KIAA1217: variants seen among roughly 807,000 people sequenced by gnomAD.
KIAA1217 encodes sickle tail protein homolog.
A neutral mutation model predicts 163.9 loss-of-function variants in KIAA1217; 88 were observed. The observed-to-expected ratio is 0.54, with a 90% CI of 0.45 to 0.64. KIAA1217 has a LOEUF of 0.64. Among genes scored for constraint, KIAA1217 ranks in the 30% least tolerant of loss-of-function variants. KIAA1217 has a pLI of 0.00. For synonymous variants in KIAA1217, 903 were observed against 923.1 expected (o/e 0.98, Z 0.39); for missense variants, 2,372 against 2,475.0 (o/e 0.96, Z 0.88).
chr10:24,214,201 G>A (rs1175537257), intron 1 of KIAA1217, among the ~76,000 whole-genome samples: 1 of 152,082 alleles, frequency 6.6e-6, no homozygotes, highest in Non-Finnish European at 1.5e-5. Flanking sequence ...GAAAACTGAG[G>A]GATGCTGTAG....
intron 16 of KIAA1217, among the ~76,000 whole-genome samples, chr10:24,536,257 G>A (rs1019879897): frequency 2.0e-5 from 3 of 152,176 alleles, no homozygotes; most frequent in African/African-American, 4.8e-5. Context: ...CTCTAAATGA[G>A]CCTCAGAACA....
intron 3 of KIAA1217, among the ~76,000 whole-genome samples, chr10:24,399,208 G>A (rs1310345490): frequency 3.9e-5 from 6 of 152,184 alleles, no homozygotes; most frequent in Non-Finnish European, 7.3e-5. Context: ...TTAGCTGATG[G>A]TCATAGCGAT....
chr10:23,896,075 T>C (rs1841682263), intron 1 of KIAA1217, among the ~76,000 whole-genome samples: 1 of 151,668 alleles, frequency 6.6e-6, no homozygotes, highest in Non-Finnish European at 1.5e-5. Context: ...CACACCAGCA[T>C]GGCACATGTA....
At chr10:24,530,710 C>A (rs1175067411) in intron 14 of KIAA1217, among the ~76,000 whole-genome samples, 2 of 152,082 alleles carry the variant, frequency 1.3e-5, no homozygotes, top group South Asian at 2.1e-4. Context: ...GCAGCCTGGG[C>A]AGCATAGTGA....
chr10:23,962,984 AG>A (rs1844881468), intron 1 of KIAA1217, among the ~76,000 whole-genome samples: 1 of 152,202 alleles, frequency 6.6e-6, no homozygotes, highest in South Asian at 2.1e-4. Context: ...AAAAGAAAAA[AG>A]AAAAGATTTT....
At chr10:23,713,544 A>G (rs997226370) in intron 1 of KIAA1217, among the ~76,000 whole-genome samples, 6 of 152,136 alleles carry the variant, frequency 3.9e-5, no homozygotes, top group Non-Finnish European at 7.4e-5. Context: ...ACCACTCTAC[A>G]CATCATATTT....
rs1469626215 is a variant in KIAA1217 at position 24,513,361 on chromosome 10, C to T, written c.2104C>T (p.Arg702Ter). The T allele has an allele frequency of 1.9e-6, 3 of 1,614,020 alleles. No individual in the cohort carries two copies. Among genetic ancestry groups the T allele is most frequent in the Non-Finnish European group, 2.5e-6 (3 of 1,180,032 alleles). ...TMKRLEDPVQ[R>*]QRVLVEQERQ... is the part of the protein sequence containing the mutation. The stretch of plus-strand genomic sequence containing the variant: ...GAAGAGACTGGAGGATCCCGTGCAG[C>T]GACAGCGCGTCCTAGTGGAGCAAGA... Residue 702 changes from arginine to a stop codon, truncating the protein, a stop_gained, in exon 10 of 21, where the codon CGA (arginine) becomes TGA (stop). Coordinates refer to ENST00000376454, the MANE Select transcript of KIAA1217 (RefSeq NM_019590.5). LOFTEE classifies it high-confidence loss of function.
chr10:24,135,832 T>A (rs942367435), intron 2 of KIAA1217, among the ~76,000 whole-genome samples: 18 of 152,142 alleles, frequency 1.2e-4, no homozygotes, highest in African/African-American at 4.3e-4. Context: ...CTCACTTATT[T>A]AGAGGCTGCA....
At chr10:24,292,778 G>A (rs926268403) in intron 2 of KIAA1217, among the ~76,000 whole-genome samples, 4 of 152,082 alleles carry the variant, frequency 2.6e-5, no homozygotes, top group African/African-American at 7.2e-5. Context: ...TTAGGATATC[G>A]CAGCCTGAGT....
chr10:24,187,725 T>C (rs1183088528), intron 2 of KIAA1217, among the ~76,000 whole-genome samples: 3 of 151,470 alleles, frequency 2.0e-5, no homozygotes, highest in Non-Finnish European at 4.4e-5. Flanking sequence ...ACCCCATCTC[T>C]ACTAAAAAAA....
At chr10:23,905,909 G>C (rs1447355185) in intron 1 of KIAA1217, among the ~76,000 whole-genome samples, 2 of 152,128 alleles carry the variant, frequency 1.3e-5, no homozygotes, top group African/African-American at 4.8e-5. Context: ...CTGAGACAAG[G>C]TAATTTATAA....
At chr10:23,896,950 T>C (rs1217138561) in intron 1 of KIAA1217, among the ~76,000 whole-genome samples, 1 of 152,040 alleles carries the variant, frequency 6.6e-6, no homozygotes, top group Non-Finnish European at 1.5e-5. Context: ...CTTTGAGATA[T>C]TGGCTGGCTT....
At chr10:24,366,578 G>A (rs1467029153) in intron 2 of KIAA1217, among the ~76,000 whole-genome samples, 4 of 152,254 alleles carry the variant, frequency 2.6e-5, no homozygotes, top group Non-Finnish European at 4.4e-5. Context: ...TAGAATTTGT[G>A]CCCTGAATTA....
chr10:23,948,338 T>A (rs1844155555), intron 1 of KIAA1217, among the ~76,000 whole-genome samples: 1 of 152,198 alleles, frequency 6.6e-6, no homozygotes. Context: ...GTTTATTAAA[T>A]AAAACAATAC....
At chr10:23,808,063 A>G (rs1836826570) in intron 1 of KIAA1217, among the ~76,000 whole-genome samples, 1 of 152,162 alleles carries the variant, frequency 6.6e-6, no homozygotes, top group South Asian at 2.1e-4. Context: ...CGAAGTTAGA[A>G]CTCCAGGCTA....
At chr10:24,393,603 A>T (rs1371055596) in intron 3 of KIAA1217, among the ~76,000 whole-genome samples, 1 of 152,252 alleles carries the variant, frequency 6.6e-6, no homozygotes, top group African/African-American at 2.4e-5. Context: ...ATACTTCAGC[A>T]TGTGGCTGTA....
chr10:24,454,465 A>AG (rs1463357502), intron 5 of KIAA1217, among the ~76,000 whole-genome samples: 4 of 152,246 alleles, frequency 2.6e-5, no homozygotes, highest in Non-Finnish European at 5.9e-5. Context: ...CACCCTTGAT[A>AG]GAGTAGGAAG....
intron 1 of KIAA1217, among the ~76,000 whole-genome samples, chr10:23,702,934 G>C (rs192035319): frequency 3.9e-3 from 586 of 152,126 alleles, no homozygotes; most frequent in African/African-American, 0.012. Flanking sequence ...CACCGTGTTA[G>C]CCAAGATGGT....
chr10:23,937,717 C>T (rs1197893779), intron 1 of KIAA1217, among the ~76,000 whole-genome samples: 1 of 152,074 alleles, frequency 6.6e-6, no homozygotes, highest in Non-Finnish European at 1.5e-5. Context: ...TGCTTCAGGC[C>T]AAATTGGGAT....
Sources: allele counts gnomAD v4.1 joint callset (sites outside exome capture counted in the v4.1 genomes callset), GRCh38; gene constraint gnomAD v4.1.1; transcripts MANE v1.5; gene names NCBI Gene and HGNC (gene_info 2026-07-23, HGNC 2026-07-21).